The following VHL variants were observed in gnomAD, a reference collection of about 807,000 sequenced individuals.
VHL encodes von Hippel-Lindau disease tumor suppressor.
VHL carries 10 observed loss-of-function variants against 19.2 expected under a neutral mutation model. The ratio of observed to expected loss-of-function variants is 0.52; its 90% CI spans 0.32 to 0.89. The LOEUF (loss-of-function observed/expected upper bound fraction) is 0.89. Ranked by LOEUF, VHL falls within the 40% of genes least tolerant of loss-of-function variation. VHL has a pLI of 0.03. For synonymous variants in VHL, 167 were observed against 129.5 expected, an observed-to-expected ratio of 1.29 and a Z score of -1.97; for missense variants, 328 against 292.7, an observed-to-expected ratio of 1.12 and a Z score of -0.88.
intron 1 of VHL, among the ~76,000 whole-genome samples, chr3:10,144,626 T>G (rs527850879): frequency 5.3e-5 from 8 of 151,760 alleles, no homozygotes; most frequent in Non-Finnish European, 1.2e-4. Context: ...TCCCAGAGCT[T>G]CAGCTTCCCA....
chr3:10,150,310 A>G lies in VHL; in HGVS notation c.*345A>G. 5 of 1,271,152 alleles carry G rather than the reference A, an allele frequency of 3.9e-6. No homozygotes were observed. The highest frequency in any genetic ancestry group is 4.0e-6 in the Non-Finnish European group (4 of 995,292). 78.7% of individuals were successfully genotyped at this position (1,271,152 alleles called of 1,614,324 possible). A position where few individuals can be genotyped will look rare whatever the true frequency, so the allele number is the denominator to read the frequency against. On this transcript the variant is annotated 3_prime_UTR_variant, in exon 3 of 3. Transcript: ENST00000256474. Reference sequence around the variant, plus strand: ...GCATATCGTTTAATTTTAAGAAGGCATTGGCATCTGCTTTTAATGGATGTA... The same window carrying G: ...GCATATCGTTTAATTTTAAGAAGGCGTTGGCATCTGCTTTTAATGGATGTA...
Position 10,152,961 on chromosome 3 carries a change from G to T in VHL, c.*2996G>T, listed in dbSNP as rs1019083511. On this transcript the variant is annotated 3_prime_UTR_variant, in exon 3 of 3. Transcript: ENST00000256474. ...AGCTGAAGACCAGCCTGGCTAACAT[G>T]GTGAAACCTCATCTCCACTTAAAAT... Among the ~76,000 whole-genome samples the T allele has an allele frequency of 1.3e-5, 2 of 151,666 alleles. No homozygotes were observed. Among genetic ancestry groups the T allele is most frequent in the Non-Finnish European group, 2.9e-5 (2 of 67,956 alleles).
chr3:10,152,624 C>T lies in VHL; in HGVS notation c.*2659C>T, dbSNP rs1258829863. Among the ~76,000 whole-genome samples the T allele has an allele frequency of 6.8e-6, 1 of 147,730 alleles. No individual in the cohort carries two copies. Among genetic ancestry groups the T allele is most frequent in the Non-Finnish European group, 1.5e-5 (1 of 67,364 alleles). Reference sequence around the variant, plus strand: ...TCTCCTGGCTCACCCTCCTGAGTAGCTGGGATTACAGGCGCCTGCCACCAT... The same window carrying T: ...TCTCCTGGCTCACCCTCCTGAGTAGTTGGGATTACAGGCGCCTGCCACCAT... On this transcript the variant is annotated 3_prime_UTR_variant, in exon 3 of 3. Coordinates refer to ENST00000256474, the MANE Select transcript of VHL (RefSeq NM_000551.4).
intron 2 of VHL, among the ~76,000 whole-genome samples, chr3:10,147,796 CCAG>C (rs1696299898): frequency 6.6e-6 from 1 of 151,884 alleles, no homozygotes; most frequent in South Asian, 2.1e-4. Context: ...TCACTAAAGA[CCAG>C]CAGTGTGTGG....
rs1696470888 is a variant in VHL, at chr3:10,153,503, T to C, written c.*3538T>C. Among the ~76,000 whole-genome samples, 1 of 152,146 alleles carries C rather than the reference T, an allele frequency of 6.6e-6. No homozygotes were observed. Among genetic ancestry groups the C allele is most frequent in the Non-Finnish European group, 1.5e-5 (1 of 68,032 alleles). ...GTTTTTGGTGTTGTCCAAGGAAAAT[T>C]AAAAACCTGTAGCATGAATAATGTT... On this transcript the variant is annotated 3_prime_UTR_variant, in exon 3 of 3. Coordinates refer to ENST00000256474, the MANE Select transcript of VHL (RefSeq NM_000551.4).
rs749774529 is a variant in VHL, at chr3:10,149,868, G to A, written c.545G>A (p.Arg182Lys). The change falls in exon 3 of 3, where the codon AGG (arginine) becomes AAG (lysine). Residue 182 changes from arginine (R) to lysine (K), a missense_variant. Coordinates refer to ENST00000256474, the MANE Select transcript of VHL (RefSeq NM_000551.4). ...AATTACAGGAGACTGGACATCGTCAGGTCGCTCTACGAAGATCTGGAAGAC... is the reference window on the plus strand; with the variant it reads ...AATTACAGGAGACTGGACATCGTCAAGTCGCTCTACGAAGATCTGGAAGAC... ...PENYRRLDIV[R>K]SLYEDLEDHP... 3.7e-6 allele frequency: 6 copies of A among 1,614,190 alleles called. No individual in the cohort carries two copies. The highest frequency in any genetic ancestry group is 4.2e-6 in the Non-Finnish European group (5 of 1,180,042).
chr3:10,142,191 C>G lies in VHL; in HGVS notation c.340+4C>G. 1 of 1,597,022 alleles carries G rather than the reference C, an allele frequency of 6.3e-7. No individual in the cohort carries two copies. The highest frequency in any genetic ancestry group is 1.3e-5 in the African/African-American group (1 of 75,010). ...CGCCGCATCCACAGCTACCGAGGTA[C>G]GGGCCCGGCGCTTAGGCCCGACCCA... On this transcript the variant is annotated splice_donor_region_variant and intron_variant, in intron 1 of 2. Transcript: ENST00000256474.
intron 1 of VHL, among the ~76,000 whole-genome samples, chr3:10,145,273 T>C (rs1264515389): frequency 2.0e-5 from 3 of 152,152 alleles, no homozygotes; most frequent in African/African-American, 7.2e-5. Flanking sequence ...TCTTAAAATT[T>C]CCCATCAAAT....
At chr3:10,149,760 C>G (rs1335030995) in intron 2 of VHL, 27 bp from the exon 3 acceptor site, 1 of 1,603,468 alleles carries the variant, frequency 6.2e-7, no homozygotes, top group African/African-American at 1.3e-5. Context: ...TAGTCTGCCA[C>G]TGAGGATTTG....
rs1377265395 is a variant in VHL at position 10,142,253 on chromosome 3, C to T, written c.340+66C>T. 7 of 1,534,502 alleles carry T rather than the reference C, an allele frequency of 4.6e-6. No homozygotes were observed. The African/African-American group carries it at 9.6e-5, about 21-fold the overall frequency. ...AGCACGGTCTGAAGCCCCTCTACCGCCCCGGGGTCCATTTTGCAGACGGGG... is the reference window on the plus strand; with the variant it reads ...AGCACGGTCTGAAGCCCCTCTACCGTCCCGGGGTCCATTTTGCAGACGGGG... On this transcript the variant is annotated intron_variant, in intron 1 of 2. Transcript: ENST00000256474.
rs1037001327 is a variant in VHL at position 10,150,841 on chromosome 3, G to A, written c.*876G>A. The A allele has an allele frequency of 5.6e-5, 13 of 231,638 alleles. No individual in the cohort carries two copies. Among genetic ancestry groups the A allele is most frequent in the South Asian group, 1.8e-4 (1 of 5,508 alleles). The allele number at this position is 231,638 out of a possible 1,614,324, so 14.3% of individuals were successfully genotyped here. A position where few individuals can be genotyped will look rare whatever the true frequency, so the allele number is the denominator to read the frequency against. Reference sequence around the variant, plus strand: ...AATGTGAGTATTTCTGTTCCTTTTTGTAAATATGTGACATTCCTGATTGAT... The same window carrying A: ...AATGTGAGTATTTCTGTTCCTTTTTATAAATATGTGACATTCCTGATTGAT... On this transcript the variant is annotated 3_prime_UTR_variant, in exon 3 of 3. Coordinates refer to ENST00000256474, the MANE Select transcript of VHL (RefSeq NM_000551.4).
chr3:10,150,340 A>ACATC lies in VHL; in HGVS notation c.*379_*382dup. The ACATC allele has an allele frequency of 1.6e-6, 2 of 1,250,140 alleles. No homozygotes were observed. The highest frequency in any genetic ancestry group is 2.0e-6 in the Non-Finnish European group (2 of 984,318). 77.4% of individuals were successfully genotyped at this position (1,250,140 alleles called of 1,614,324 possible). A position where few individuals can be genotyped will look rare whatever the true frequency, so the allele number is the denominator to read the frequency against. On this transcript the variant is annotated 3_prime_UTR_variant, in exon 3 of 3. Coordinates refer to ENST00000256474, the MANE Select transcript of VHL (RefSeq NM_000551.4). ...CATCTGCTTTTAATGGATGTATAAT[A>ACATC]CATCCATTCTACATCCGTAGCGGTT... is the stretch of plus-strand genomic sequence containing the variant.
At chr3:10,145,771 T>TCTTAC (rs1696241070) in intron 1 of VHL, among the ~76,000 whole-genome samples, 2 of 151,464 alleles carry the variant, frequency 1.3e-5, no homozygotes, top group African/African-American at 4.9e-5. Context: ...AATGCACAGA[T>TCTTAC]CTTAGGGTTT....
In VHL at chr3:10,151,653, T is replaced by C. The variant is rs1453040103; in HGVS notation, c.*1688T>C. The stretch of plus-strand genomic sequence containing the variant: ...TAACTTAAATATTGCTCTATGTTAG[T>C]ATAAGCTTTTCACAAACATTAGTAT... On this transcript the variant is annotated 3_prime_UTR_variant, in exon 3 of 3. Coordinates refer to ENST00000256474, the MANE Select transcript of VHL (RefSeq NM_000551.4). 4.6e-6 allele frequency: 1 copy of C among 217,150 alleles called. No individual in the cohort carries two copies. The highest frequency in any genetic ancestry group is 9.3e-6 in the Non-Finnish European group (1 of 108,028). 13.5% of individuals were successfully genotyped at this position (217,150 alleles called of 1,614,324 possible). A position where few individuals can be genotyped will look rare whatever the true frequency, so the allele number is the denominator to read the frequency against.
intron 1 of VHL, among the ~76,000 whole-genome samples, chr3:10,145,025 C>G (rs1302000462): frequency 6.6e-6 from 1 of 152,024 alleles, no homozygotes; most frequent in Non-Finnish European, 1.5e-5. Context: ...AACCCTGTCT[C>G]TGCTAAAAAT....
At chr3:10,147,928 C>A (rs1214843138) in intron 2 of VHL, among the ~76,000 whole-genome samples, 6 of 151,692 alleles carry the variant, frequency 4.0e-5, no homozygotes, top group Admixed American at 4.0e-4. Flanking sequence ...CCCAGCTCCA[C>A]AAAAAAATTT....
rs555288791 is a variant in VHL, at chr3:10,150,362, G to C, written c.*397G>C. ...AATACATCCATTCTACATCCGTAGC[G>C]GTTGGTGACTTGTCTGCCTCCTGCT... is the stretch of plus-strand genomic sequence containing the variant. On this transcript the variant is annotated 3_prime_UTR_variant, in exon 3 of 3. Transcript: ENST00000256474. The C allele has an allele frequency of 5.7e-6, 7 of 1,224,846 alleles. No individual in the cohort carries two copies. Among genetic ancestry groups the C allele is most frequent in the Non-Finnish European group, 7.2e-6 (7 of 971,450 alleles). 75.9% of individuals were successfully genotyped at this position (1,224,846 alleles called of 1,614,324 possible).
chr3:10,148,376 G>A (rs1236917318), intron 2 of VHL, among the ~76,000 whole-genome samples: 2 of 145,634 alleles, frequency 1.4e-5, no homozygotes, highest in South Asian at 4.4e-4. Context: ...GTGCAGTGGC[G>A]GGATCTCGGC....
In VHL at chr3:10,142,015, C is replaced by G. The variant is rs864622714; in HGVS notation, c.168C>G (p.Ala56=). The change falls in exon 1 of 3, where the codon GCC becomes GCG. Residue 56 remains alanine, a synonymous_variant. Coordinates refer to ENST00000256474, the MANE Select transcript of VHL (RefSeq NM_000551.4). ...TGGGCGCCGAGGAGGAGATGGAGGC[C>G]GGGCGGCCGCGGCCCGTGCTGCGCT... ...EELGAEEEME[A]GRPRPVLRSV... 4.4e-6 allele frequency: 7 copies of G among 1,589,920 alleles called. No individual in the cohort carries two copies. Among genetic ancestry groups the G allele is most frequent in the Admixed American group, 1.8e-5 (1 of 56,550 alleles).
Sources: allele counts gnomAD v4.1 joint callset (sites outside exome capture counted in the v4.1 genomes callset), GRCh38; gene constraint gnomAD v4.1.1; transcripts MANE v1.5; gene names NCBI Gene and HGNC (gene_info 2026-07-23, HGNC 2026-07-21).